Variants in CYREN observed in about 807,000 individuals in gnomAD.
The protein encoded by CYREN is cell cycle regulator of non-homologous end joining.
In CYREN, 7 loss-of-function variants were observed where a neutral mutation model predicts 9.7. The observed-to-expected ratio is 0.72, with a 90% CI of 0.41 to 1.36. The LOEUF (loss-of-function observed/expected upper bound fraction) is 1.36, where lower values mean the gene tolerates loss of function less well. Among genes scored for constraint, CYREN ranks in the 40% most tolerant of loss-of-function variants. CYREN has a pLI of 0.01. For missense variants in CYREN, 215 were observed against 198.1 expected (o/e 1.09, Z -0.51); for synonymous variants, 76 against 77.9 (o/e 0.98, Z 0.13).
intron 2 of CYREN, among the ~76,000 whole-genome samples, chr7:135,109,909 C>T (rs552168529): frequency 6.6e-6 from 1 of 152,326 alleles, no homozygotes; most frequent in South Asian, 2.1e-4. Flanking sequence ...CAGGGAGGCT[C>T]TGAACCACTG....
At chr7:135,163,397 T>G (rs576626549), downstream of CYREN, among the ~76,000 whole-genome samples, 9 of 152,078 alleles carry the variant, frequency 5.9e-5, no homozygotes, top group South Asian at 1.9e-3. Context: ...ATCCCAGCAC[T>G]TTGGGAGGCC....
intron 2 of CYREN, among the ~76,000 whole-genome samples, chr7:135,106,408 G>A (rs571715601): frequency 8.5e-5 from 13 of 152,276 alleles, no homozygotes; most frequent in Non-Finnish European, 1.8e-4. Flanking sequence ...AGTTTATTGA[G>A]AGTTTTTAAC....
chr7:135,121,280 A>G (rs1827094946), intron 2 of CYREN, among the ~76,000 whole-genome samples: 1 of 152,214 alleles, frequency 6.6e-6, no homozygotes, highest in African/African-American at 2.4e-5. Flanking sequence ...GGAGAAATAG[A>G]CAAATTCACA....
At chr7:135,119,733 T>TG (rs1313198879) in intron 2 of CYREN, among the ~76,000 whole-genome samples, 32 of 151,906 alleles carry the variant, frequency 2.1e-4, no homozygotes, top group Non-Finnish European at 7.4e-5. Flanking sequence ...AAAAATTAGC[T>TG]GGGCGTGGCA....
At chr7:135,152,292 C>T (rs1476147998) in intron 2 of CYREN, among the ~76,000 whole-genome samples, 3 of 152,198 alleles carry the variant, frequency 2.0e-5, no homozygotes, top group African/African-American at 4.8e-5. Context: ...GTCTTCACTA[C>T]GTCAAATGGG....
At chr7:135,094,597 A>G in intron 2 of CYREN, 1 of 453,672 alleles carries the variant, frequency 2.2e-6, no homozygotes, top group Non-Finnish European at 4.4e-6. Flanking sequence ...AAAGGGGAGA[A>G]GAAGAGTAAA....
At chr7:135,134,718 T>C (rs560482469) in intron 2 of CYREN, 1 of 947,728 alleles carries the variant, frequency 1.1e-6, no homozygotes, top group Admixed American at 3.0e-5. Flanking sequence ...GTAAAATTCT[T>C]AAACTTTAAG....
chr7:135,164,839 T>C, downstream of CYREN: 1 of 1,613,978 alleles, frequency 6.2e-7, no homozygotes. Flanking sequence ...GGCCTGGGCC[T>C]CTTCCTCTCC....
intron 2 of CYREN, among the ~76,000 whole-genome samples, chr7:135,141,017 C>CT (rs990465425): frequency 1.3e-5 from 2 of 151,996 alleles, no homozygotes; most frequent in Non-Finnish European, 2.9e-5. Context: ...CTGAAGTTTT[C>CT]TTTTTTTCAT....
chr7:135,166,919 C>T (rs11763368), intron 3 of CYREN, 48 bp from the exon 4 acceptor site: 1 of 1,589,964 alleles, frequency 6.3e-7, no homozygotes, highest in Non-Finnish European at 8.6e-7. Context: ...TTTTATTTCC[C>T]TAACATGCTG....
upstream of CYREN, among the ~76,000 whole-genome samples, chr7:135,170,956 G>A (rs1451696694): frequency 6.6e-6 from 1 of 152,248 alleles, no homozygotes; most frequent in East Asian, 1.9e-4. Context: ...CTTGAGGAGG[G>A]TGAAAGTTCA....
intron 2 of CYREN, among the ~76,000 whole-genome samples, chr7:135,108,196 G>T (rs1326576900): frequency 2.0e-5 from 3 of 152,054 alleles, no homozygotes; most frequent in African/African-American, 7.2e-5. Context: ...TTAAATGGGG[G>T]CATTTAGCCC....
intron 2 of CYREN, among the ~76,000 whole-genome samples, chr7:135,105,486 G>T (rs1379485800): frequency 2.0e-5 from 3 of 152,198 alleles, no homozygotes; most frequent in African/African-American, 7.2e-5. Context: ...TTATTGAATA[G>T]GGAATCTTTC....
At chr7:135,113,524 T>G (rs946081756) in intron 2 of CYREN, among the ~76,000 whole-genome samples, 1 of 152,224 alleles carries the variant, frequency 6.6e-6, no homozygotes, top group African/African-American at 2.4e-5. Flanking sequence ...TGTATTCTAC[T>G]TTCTCTTATG....
At chr7:135,131,817 GA>G (rs1205640935) in intron 2 of CYREN, among the ~76,000 whole-genome samples, 3 of 151,470 alleles carry the variant, frequency 2.0e-5, no homozygotes, top group South Asian at 2.1e-4. Flanking sequence ...GACAAATAAA[GA>G]AAAAAAGACA....
At chr7:135,147,256 C>T (rs1418847177) in intron 2 of CYREN, among the ~76,000 whole-genome samples, 9 of 152,176 alleles carry the variant, frequency 5.9e-5, no homozygotes, top group Non-Finnish European at 1.2e-4. Context: ...GTTCTTCCTT[C>T]CTCCTGGATC....
chr7:135,107,966 A>G (rs1825003683), intron 2 of CYREN, among the ~76,000 whole-genome samples: 1 of 151,958 alleles, frequency 6.6e-6, no homozygotes, highest in African/African-American at 2.4e-5. Context: ...CCATTATGTA[A>G]TGTCTTTATC....
intron 2 of CYREN, among the ~76,000 whole-genome samples, chr7:135,117,694 T>C (rs927954254): frequency 1.3e-5 from 2 of 152,362 alleles, no homozygotes; most frequent in East Asian, 1.9e-4. Context: ...TGAGATCATC[T>C]GTTAAGAAAG....
At chr7:135,136,055 G>T (rs1829334425) in intron 2 of CYREN, among the ~76,000 whole-genome samples, 1 of 152,034 alleles carries the variant, frequency 6.6e-6, no homozygotes, top group Admixed American at 6.6e-5. Context: ...GCACTGGGAG[G>T]GATTTGTGAA....
Sources: gnomAD v4.1 joint callset for allele counts (sites outside exome capture counted in the v4.1 genomes callset) on GRCh38, gnomAD v4.1.1 for gene constraint, MANE v1.5 for transcripts, NCBI Gene and HGNC (gene_info 2026-07-23, HGNC 2026-07-21) for gene names.